Variants in ZP3 observed in about 807,000 individuals in gnomAD.
The protein encoded by ZP3 is zona pellucida glycoprotein 3.
Under a neutral mutation model 35.6 loss-of-function variants are expected in ZP3, and 21 were observed. The ratio of observed to expected loss-of-function variants is 0.59; its 90% CI spans 0.42 to 0.85. ZP3 has a LOEUF of 0.85. Ranked by LOEUF, ZP3 falls within the 40% of genes least tolerant of loss-of-function variation. The probability of loss-of-function intolerance (pLI) is 0.00; values close to 1 mark genes in which losing one functional copy is unlikely to be tolerated. For missense variants in ZP3, 437 were observed against 536.5 expected (o/e 0.81, Z 1.83); for synonymous variants, 207 against 214.5 (o/e 0.96, Z 0.31).
intron 1 of ZP3, among the ~76,000 whole-genome samples, chr7:76,398,557 G>A (rs945092335): frequency 2.0e-5 from 3 of 151,448 alleles, no homozygotes; most frequent in Non-Finnish European, 4.4e-5. Context: ...CGCTGGCCTC[G>A]GCCTCCCAAA....
intron 1 of ZP3, among the ~76,000 whole-genome samples, chr7:76,407,338 C>T (rs866069376): frequency 6.8e-6 from 1 of 146,814 alleles, no homozygotes; most frequent in Non-Finnish European, 1.5e-5. Context: ...GGGAGGATCT[C>T]TTTTTTTTTT....
intron 1 of ZP3, among the ~76,000 whole-genome samples, chr7:76,403,547 G>A (rs138661702): frequency 0.18 from 27,627 of 151,230 alleles, 2,753 homozygotes; most frequent in South Asian, 0.25. Context: ...CATGTTGGCC[G>A]GGCTGGTCCT....
chr7:76,431,928 G>A (rs1358893443), intron 2 of ZP3, among the ~76,000 whole-genome samples: 4 of 151,090 alleles, frequency 2.6e-5, no homozygotes, highest in Non-Finnish European at 5.9e-5. Context: ...GGCCTTAGCT[G>A]ATTCCCCTCT....
intron 1 of ZP3, chr7:76,398,940 TGG>T (rs1804727731): frequency 1.3e-6 from 1 of 776,340 alleles, no homozygotes; most frequent in Non-Finnish European, 2.1e-6. Flanking sequence ...CCAGGAACAC[TGG>T]GGTATGAGAG....
chr7:76,408,112 G>GGGGAC (rs1805100519), intron 1 of ZP3, among the ~76,000 whole-genome samples: 1 of 152,146 alleles, frequency 6.6e-6, no homozygotes, highest in Admixed American at 6.6e-5. Flanking sequence ...GGATGGTTCT[G>GGGGAC]TTTGGGCTAC....
At chr7:76,423,346 C>T (rs1384824837), upstream of ZP3, among the ~76,000 whole-genome samples, 5 of 152,000 alleles carry the variant, frequency 3.3e-5, no homozygotes, top group African/African-American at 7.2e-5. Flanking sequence ...TAGGGCATGC[C>T]GGCTGTGCTG....
chr7:76,437,830 GA>G (rs1248862391), intron 5 of ZP3, among the ~76,000 whole-genome samples: 1 of 152,114 alleles, frequency 6.6e-6, no homozygotes, highest in Admixed American at 6.6e-5. Context: ...CGCTATAGGG[GA>G]ACTGCCCTGG....
At chr7:76,428,932 T>A (rs1805751412) in intron 1 of ZP3, 1 of 153,960 alleles carries the variant, frequency 6.5e-6, no homozygotes, top group Non-Finnish European at 1.4e-5. Context: ...TCTGCCCTCC[T>A]CAGCCTCCCA....
At chr7:76,411,826 T>C (rs116681204) in intron 1 of ZP3, among the ~76,000 whole-genome samples, 260 of 152,238 alleles carry the variant, frequency 1.7e-3, no homozygotes, top group African/African-American at 6.0e-3. Context: ...AAAACTTACA[T>C]CTTCACAAAA....
Position 76,425,029 on chromosome 7 carries a change from C to T in ZP3, c.65C>T (p.Pro22Leu). 1 of 1,594,680 alleles carries T rather than the reference C, an allele frequency of 6.3e-7. No homozygotes were observed. The highest frequency in any genetic ancestry group is 2.3e-5 in the East Asian group (1 of 44,058). Residue 22 changes from proline to leucine, a missense_variant, in exon 1 of 8, where the codon CCC becomes CTC. Physicochemically the swap from Pro to Leu is moderately conservative, Grantham distance 98. This residue lies in a region of ZP3 where 352 missense variants were observed against 308.4 expected (regional missense o/e 1.14). Coordinates refer to ENST00000394857, the MANE Select transcript of ZP3 (RefSeq NM_001110354.2). ...LLWGSTELCY[P>L]QPLWLLQGGA... ...TGGGGTAGTACTGAGCTGTGCTACC[C>T]CCAACCCCTCTGGCTCTTGCAGGGT... is the stretch of plus-strand genomic sequence containing the variant.
intron 1 of ZP3, among the ~76,000 whole-genome samples, chr7:76,414,390 T>C (rs1805316630): frequency 6.6e-6 from 1 of 152,156 alleles, no homozygotes; most frequent in Non-Finnish European, 1.5e-5. Flanking sequence ...CAAGTGGTTT[T>C]TCCTGACATG....
intron 5 of ZP3, among the ~76,000 whole-genome samples, chr7:76,435,070 G>A (rs1805950705): frequency 6.6e-6 from 1 of 152,248 alleles, no homozygotes; most frequent in Non-Finnish European, 1.5e-5. Flanking sequence ...TAAATTGCCT[G>A]GTGCGGTGGC....
At chr7:76,441,102 C>T (rs1323279284) in intron 7 of ZP3, among the ~76,000 whole-genome samples, 3 of 150,360 alleles carry the variant, frequency 2.0e-5, no homozygotes, top group Non-Finnish European at 4.4e-5. Context: ...ATCTGGGAGG[C>T]AGAGGTTGCA....
rs766107926 is a variant in ZP3, at chr7:76,433,495, C to A, written c.561C>A (p.Ser187=). The change falls in exon 4 of 8, where the codon TCC becomes TCA. Residue 187 remains serine (S), a synonymous_variant. Coordinates refer to ENST00000394857, the MANE Select transcript of ZP3 (RefSeq NM_001110354.2). ...MEENWNAEKR[S]PTFHLGDAAH... is the part of the protein sequence containing the mutation. ...AGAACTGGAACGCTGAGAAGAGGTC[C>A]CCCACCTTCCACCTGGGAGATGCAG... 17 of 1,613,614 alleles carry A rather than the reference C, an allele frequency of 1.1e-5. No homozygotes were observed. The highest frequency in any genetic ancestry group is 4.0e-5 in the African/African-American group (3 of 74,870).
chr7:76,425,449 C>T (rs1251672587), intron 1 of ZP3, among the ~76,000 whole-genome samples, 173 bp downstream of exon 1: 2 of 152,242 alleles, frequency 1.3e-5, no homozygotes, highest in Admixed American at 6.5e-5. Flanking sequence ...GGACCCAGGG[C>T]AGCTCCTGCC....
chr7:76,407,831 C>G (rs1805089520), intron 1 of ZP3, among the ~76,000 whole-genome samples: 1 of 152,234 alleles, frequency 6.6e-6, no homozygotes, highest in Non-Finnish European at 1.5e-5. Context: ...CTCACGTCCC[C>G]TTTTCTTGCA....
Position 76,435,968 on chromosome 7 carries a change from A to G in ZP3, c.831+1813A>G, listed in dbSNP as rs1367955120. Among the ~76,000 whole-genome samples the G allele has an allele frequency of 7.9e-5, 11 of 139,358 alleles. No individual in the cohort carries two copies. The South Asian group carries it at 2.1e-3, about 26-fold the overall frequency. 91.4% of individuals were successfully genotyped at this position (139,358 alleles called of 152,430 possible). A position where few individuals can be genotyped will look rare whatever the true frequency, so the allele number is the denominator to read the frequency against. On this transcript the variant is annotated intron_variant, in intron 5 of 7. Transcript: ENST00000394857. ...CTTGAACTCTTGACCTCATTATCCA[A>G]CCGCCTCAGCTTCCCAAAGTGCTGG... is the stretch of plus-strand genomic sequence containing the variant.
upstream of ZP3, among the ~76,000 whole-genome samples, chr7:76,421,192 C>A (rs1248998395): frequency 6.6e-6 from 1 of 152,098 alleles, no homozygotes; most frequent in African/African-American, 2.4e-5. Flanking sequence ...TCTCAGCCTC[C>A]CAAAGTGCTG....
chr7:76,419,919 A>G (rs1385868665), intron 1 of ZP3, among the ~76,000 whole-genome samples: 2 of 151,600 alleles, frequency 1.3e-5, no homozygotes, highest in Admixed American at 1.3e-4. Context: ...CTCCTGCCTC[A>G]GCCTCCCCAG....
Sources: allele counts gnomAD v4.1 joint callset (sites outside exome capture counted in the v4.1 genomes callset), GRCh38; gene constraint gnomAD v4.1.1; regional missense constraint gnomAD v4.1.1; transcripts MANE v1.5; gene names NCBI Gene and HGNC (gene_info 2026-07-23, HGNC 2026-07-21).